The following EYS variants were observed in gnomAD, a reference collection of about 807,000 sequenced individuals.
EYS encodes the protein EGF-like photoreceptor maintenance factor, also known as protein eyes shut homolog.
Under a neutral mutation model 282.1 loss-of-function variants are expected in EYS, and 250 were observed. The ratio of observed to expected loss-of-function variants is 0.89; its 90% CI spans 0.80 to 0.98. EYS has a LOEUF of 0.98. Among genes scored for constraint, EYS ranks in the 50% least tolerant of loss-of-function variants. The pLI is 0.00. For missense variants in EYS, 4,016 were observed against 3,709.0 expected (o/e 1.08, Z -2.15); for synonymous variants, 1,355 against 1,282.9 (o/e 1.06, Z -1.20).
At chr6:64,355,410 AGAG>A (rs1334117936) in intron 29 of EYS, among the ~76,000 whole-genome samples, 1 of 151,590 alleles carries the variant, frequency 6.6e-6, no homozygotes, top group Admixed American at 6.6e-5. Context: ...TAAAAAACTC[AGAG>A]TAGTTTCACA....
At chr6:64,296,198 C>G (rs1238264981) in intron 30 of EYS, among the ~76,000 whole-genome samples, 1 of 152,096 alleles carries the variant, frequency 6.6e-6, no homozygotes, top group Non-Finnish European at 1.5e-5. Flanking sequence ...TAAAACTCTT[C>G]TATCTTTTCA....
At chr6:65,085,524 G>T (rs1774340003) in intron 12 of EYS, among the ~76,000 whole-genome samples, 1 of 151,992 alleles carries the variant, frequency 6.6e-6, no homozygotes, top group Non-Finnish European at 1.5e-5. Flanking sequence ...TTGAATAGGT[G>T]GCTTAAAATG....
At position 65,495,529 on chromosome 6, in the gene EYS, C is replaced by T; in HGVS notation, c.-119G>A. ...AAGGATTCCTGGGAATTGGAATTGA[C>T]CTTTTTTCTATACCCAAAGTAGCTT... On this transcript the variant is annotated 5_prime_UTR_variant, in exon 4 of 43. Transcript: ENST00000503581. 1.9e-6 allele frequency: 2 copies of T among 1,060,518 alleles called. No homozygotes were observed. The highest frequency in any genetic ancestry group is 2.8e-6 in the Non-Finnish European group (2 of 719,470). 65.7% of individuals were successfully genotyped at this position (1,060,518 alleles called of 1,614,324 possible). A position where few individuals can be genotyped will look rare whatever the true frequency, so the allele number is the denominator to read the frequency against.
At chr6:64,820,974 G>A (rs952842524) in intron 21 of EYS, among the ~76,000 whole-genome samples, 2 of 152,070 alleles carry the variant, frequency 1.3e-5, no homozygotes, top group East Asian at 1.9e-4. Flanking sequence ...TAGTTTGTAT[G>A]CTTCCTCCCT....
chr6:64,877,476 A>T (rs1766784173), intron 19 of EYS, among the ~76,000 whole-genome samples: 1 of 152,196 alleles, frequency 6.6e-6, no homozygotes, highest in African/African-American at 2.4e-5. Context: ...AGAAATAATG[A>T]TGATCTAAAC....
chr6:63,977,432 C>G (rs921312423), intron 35 of EYS, among the ~76,000 whole-genome samples: 1 of 151,952 alleles, frequency 6.6e-6, no homozygotes. Flanking sequence ...GCTTCCTGAT[C>G]GCAACTTGTT....
At chr6:64,808,444 C>G (rs905486767) in intron 22 of EYS, among the ~76,000 whole-genome samples, 1 of 151,666 alleles carries the variant, frequency 6.6e-6, no homozygotes, top group Admixed American at 6.6e-5. Flanking sequence ...TTAACTGAGA[C>G]AACATGAGAT....
intron 2 of EYS, among the ~76,000 whole-genome samples, chr6:65,636,587 T>C (rs1268840509): frequency 6.6e-6 from 1 of 152,126 alleles, no homozygotes; most frequent in Non-Finnish European, 1.5e-5. Flanking sequence ...ACAGCAAGAA[T>C]GAGGAAAATA....
At chr6:64,687,843 C>T (rs935059731) in intron 22 of EYS, among the ~76,000 whole-genome samples, 1 of 152,128 alleles carries the variant, frequency 6.6e-6, no homozygotes. Flanking sequence ...GTGAATCAGT[C>T]TGGTCCTGGA....
chr6:64,728,305 A>G (rs567368682), intron 22 of EYS, among the ~76,000 whole-genome samples: 5 of 152,080 alleles, frequency 3.3e-5, no homozygotes, highest in Non-Finnish European at 7.4e-5. Context: ...ATAGCTTTAA[A>G]TACCTAATTC....
At chr6:64,117,029 A>T (rs567091182) in intron 31 of EYS, among the ~76,000 whole-genome samples, 2 of 152,240 alleles carry the variant, frequency 1.3e-5, no homozygotes, top group Admixed American at 1.3e-4. Flanking sequence ...AAAATCAATA[A>T]GGAAAAGTCA....
chr6:64,312,018 C>T (rs568201038), intron 29 of EYS, among the ~76,000 whole-genome samples: 13 of 144,990 alleles, frequency 9.0e-5, no homozygotes, highest in South Asian at 2.2e-4. Context: ...CCTGGAATGC[C>T]GGCGAGAAGG....
intron 31 of EYS, among the ~76,000 whole-genome samples, chr6:64,150,980 G>A (rs1006287360): frequency 1.3e-5 from 2 of 151,864 alleles, no homozygotes; most frequent in Non-Finnish European, 2.9e-5. Flanking sequence ...AGTTTCTTTG[G>A]ATCTATGCAC....
intron 22 of EYS, among the ~76,000 whole-genome samples, chr6:64,652,888 G>A (rs1931855): frequency 0.95 from 144,871 of 152,196 alleles, 69,343 homozygotes; most frequent in East Asian, 1. Flanking sequence ...GTGTACATAT[G>A]TGTGTGTGTG....
intron 11 of EYS, among the ~76,000 whole-genome samples, chr6:65,324,911 T>A (rs1698902151): frequency 6.6e-6 from 1 of 152,194 alleles, no homozygotes; most frequent in Non-Finnish European, 1.5e-5. Flanking sequence ...ATCTCTGGGA[T>A]TAAAGTGACA....
At chr6:65,220,511 C>T (rs757855189) in intron 12 of EYS, among the ~76,000 whole-genome samples, 18 of 152,132 alleles carry the variant, frequency 1.2e-4, no homozygotes, top group African/African-American at 1.7e-4. Flanking sequence ...GCTCTTCCTT[C>T]GTCTTCCACC....
chr6:65,511,821 C>A (rs1766878994), intron 2 of EYS, among the ~76,000 whole-genome samples: 1 of 151,700 alleles, frequency 6.6e-6, no homozygotes, highest in Non-Finnish European at 1.5e-5. Flanking sequence ...GGTGTGATGG[C>A]ACACACTCCT....
intron 33 of EYS, among the ~76,000 whole-genome samples, chr6:64,026,719 A>T (rs954454170): frequency 6.6e-6 from 1 of 152,110 alleles, no homozygotes; most frequent in Non-Finnish European, 1.5e-5. Context: ...CCTTCCTATT[A>T]ATGATAATCC....
intron 15 of EYS, among the ~76,000 whole-genome samples, chr6:64,932,154 C>T (rs115622156): frequency 0.01 from 1,585 of 152,170 alleles, 15 homozygotes; most frequent in African/African-American, 0.037. Flanking sequence ...CCATCCCTCT[C>T]TCCCCAGCTC....
Sources: gnomAD v4.1 joint callset for allele counts (sites outside exome capture counted in the v4.1 genomes callset) on GRCh38, gnomAD v4.1.1 for gene constraint, MANE v1.5 for transcripts, NCBI Gene and HGNC (gene_info 2026-07-23, HGNC 2026-07-21) for gene names.